Variants in ADAMTS16 observed in about 807,000 individuals in gnomAD.
The protein encoded by ADAMTS16 is ADAM metallopeptidase with thrombospondin type 1 motif 16, also known as A disintegrin and metalloproteinase with thrombospondin motifs 16.
A neutral mutation model predicts 145.8 loss-of-function variants in ADAMTS16; 94 were observed. The observed-to-expected ratio is 0.64, with a 90% CI of 0.55 to 0.77. The LOEUF (loss-of-function observed/expected upper bound fraction) is 0.77. Among genes scored for constraint, ADAMTS16 ranks in the 30% least tolerant of loss-of-function variants. The probability of loss-of-function intolerance (pLI) is 0.00; values close to 1 mark genes in which losing one functional copy is unlikely to be tolerated. For missense variants in ADAMTS16, 1,585 were observed against 1,591.5 expected (o/e 1.00, Z 0.07); for synonymous variants, 659 against 604.3 (o/e 1.09, Z -1.33).
chr5:5,225,475 T>C (rs1473138171), intron 11 of ADAMTS16, among the ~76,000 whole-genome samples: 1 of 152,032 alleles, frequency 6.6e-6, no homozygotes, highest in African/African-American at 2.4e-5. Flanking sequence ...TTGTGGCGCA[T>C]GCCTGTAGTC....
intron 9 of ADAMTS16, among the ~76,000 whole-genome samples, chr5:5,207,557 C>T (rs542010034): frequency 6.6e-6 from 1 of 152,240 alleles, no homozygotes; most frequent in African/African-American, 2.4e-5. Flanking sequence ...CACTAGGTAG[C>T]ACTTCCAATA....
chr5:5,171,461 T>C (rs1735040491), intron 3 of ADAMTS16, among the ~76,000 whole-genome samples: 2 of 152,196 alleles, frequency 1.3e-5, no homozygotes. Context: ...TACCCAGTGT[T>C]TTGATGATTG....
At chr5:5,180,757 TC>T (rs1488687751) in intron 3 of ADAMTS16, among the ~76,000 whole-genome samples, 1 of 152,230 alleles carries the variant, frequency 6.6e-6, no homozygotes. Context: ...CTGATTTTGT[TC>T]TAATCCTTAC....
At chr5:5,167,327 A>C (rs1734910192) in intron 3 of ADAMTS16, among the ~76,000 whole-genome samples, 1 of 152,190 alleles carries the variant, frequency 6.6e-6, no homozygotes, top group Non-Finnish European at 1.5e-5. Flanking sequence ...AGAGAGACTG[A>C]GTTTGTTCCA....
intron 2 of ADAMTS16, among the ~76,000 whole-genome samples, chr5:5,144,656 A>G (rs1734247606): frequency 6.6e-6 from 1 of 152,182 alleles, no homozygotes; most frequent in Non-Finnish European, 1.5e-5. Flanking sequence ...GGGTAGTGTC[A>G]TTTTTATTTC....
intron 11 of ADAMTS16, among the ~76,000 whole-genome samples, chr5:5,231,313 T>C (rs1461088219): frequency 6.6e-6 from 1 of 152,228 alleles, no homozygotes; most frequent in Non-Finnish European, 1.5e-5. Flanking sequence ...TAGCATTAAA[T>C]GGGGCCATTT....
At chr5:5,202,726 A>C (rs988358955) in intron 9 of ADAMTS16, among the ~76,000 whole-genome samples, 21 of 152,340 alleles carry the variant, frequency 1.4e-4, no homozygotes, top group African/African-American at 4.8e-4. Context: ...GTTATGAGGA[A>C]GATACAGTAA....
chr5:5,238,538 C>T (rs989986206), intron 14 of ADAMTS16, among the ~76,000 whole-genome samples: 4 of 152,098 alleles, frequency 2.6e-5, no homozygotes, highest in Non-Finnish European at 4.4e-5. Context: ...TGAAATACAT[C>T]TGGCCCTATG....
intron 17 of ADAMTS16, 80 bp from the exon 18 acceptor site, chr5:5,262,577 G>A: frequency 6.5e-7 from 1 of 1,531,374 alleles, no homozygotes; most frequent in Admixed American, 2.1e-5. Flanking sequence ...CTTTGAAAGA[G>A]ATTTTATTAG....
intron 2 of ADAMTS16, among the ~76,000 whole-genome samples, chr5:5,145,105 TATA>T (rs1004978493): frequency 2.0e-5 from 3 of 152,200 alleles, no homozygotes; most frequent in African/African-American, 7.2e-5. Context: ...CTACCACTTA[TATA>T]TATGAGTTTT....
intron 3 of ADAMTS16, among the ~76,000 whole-genome samples, chr5:5,158,661 T>G (rs1734663945): frequency 6.6e-6 from 1 of 152,196 alleles, no homozygotes; most frequent in South Asian, 2.1e-4. Context: ...GTGAGTCACT[T>G]TTCTAGTTAC....
At chr5:5,290,898 G>A (rs1470946769) in intron 18 of ADAMTS16, among the ~76,000 whole-genome samples, 1 of 152,110 alleles carries the variant, frequency 6.6e-6, no homozygotes, top group Non-Finnish European at 1.5e-5. Flanking sequence ...AGACGAGGTG[G>A]AGAACACCTG....
chr5:5,183,860 A>G (rs1417886732), intron 4 of ADAMTS16, among the ~76,000 whole-genome samples: 1 of 152,236 alleles, frequency 6.6e-6, no homozygotes, highest in Non-Finnish European at 1.5e-5. Context: ...GTTATTTCAA[A>G]AAGGATGCTA....
In ADAMTS16 at chr5:5,151,214, T is replaced by TTTTATTTATTTA. The variant is rs1560924488; in HGVS notation, c.501+4759_501+4760insTTTATTTATTTA. Among the ~76,000 whole-genome samples, 6 of 137,986 alleles carry TTTTATTTATTTA rather than the reference T, an allele frequency of 4.3e-5. No individual in the cohort carries two copies. The East Asian group carries it at 6.8e-4, about 16-fold the overall frequency. The allele number at this position is 137,986 out of a possible 152,430, so 90.5% of individuals were successfully genotyped here. On this transcript the variant is annotated intron_variant, in intron 3 of 22. Transcript: ENST00000274181. ...ATCATGGCTTCCTTTATTTCTTTTC[T>TTTTATTTATTTA]CTTATTTATTTATTTATTTATTTAT... is the stretch of plus-strand genomic sequence containing the variant.
intron 10 of ADAMTS16, among the ~76,000 whole-genome samples, chr5:5,219,856 A>G (rs1163576710): frequency 2.0e-5 from 3 of 152,198 alleles, no homozygotes; most frequent in African/African-American, 7.2e-5. Flanking sequence ...AACCTTTAAC[A>G]ATATCATCAT....
At chr5:5,188,837 G>T (rs1735580452) in intron 6 of ADAMTS16, among the ~76,000 whole-genome samples, 1 of 151,992 alleles carries the variant, frequency 6.6e-6, no homozygotes, top group South Asian at 2.1e-4. Flanking sequence ...TTGGGGAGGG[G>T]GTTGCTGAAC....
chr5:5,187,320 C>A (rs1420591246), intron 5 of ADAMTS16, among the ~76,000 whole-genome samples: 1 of 152,150 alleles, frequency 6.6e-6, no homozygotes, highest in African/African-American at 2.4e-5. Context: ...CATCTCATTA[C>A]CATGATTTTT....
chr5:5,216,277 A>G (rs887031900), intron 10 of ADAMTS16, among the ~76,000 whole-genome samples: 9 of 151,902 alleles, frequency 5.9e-5, no homozygotes, highest in Admixed American at 2.6e-4. Context: ...TTTGATTTGC[A>G]TTTCCCTGAT....
chr5:5,268,439 C>T (rs546494697), intron 18 of ADAMTS16, among the ~76,000 whole-genome samples: 106 of 152,288 alleles, frequency 7.0e-4, no homozygotes, highest in African/African-American at 2.0e-3. Context: ...ACTGCAACTG[C>T]GACTGCTACT....
Sources: gnomAD v4.1 joint callset for allele counts (sites outside exome capture counted in the v4.1 genomes callset) on GRCh38, gnomAD v4.1.1 for gene constraint, MANE v1.5 for transcripts, NCBI Gene and HGNC (gene_info 2026-07-23, HGNC 2026-07-21) for gene names.